The following RSPO2 variants were observed in gnomAD, a reference collection of about 807,000 sequenced individuals.
RSPO2 encodes R-spondin-2.
Under a neutral mutation model 30.9 loss-of-function variants are expected in RSPO2, and 14 were observed. The observed-to-expected ratio is 0.45, with a 90% CI of 0.30 to 0.71. The LOEUF (loss-of-function observed/expected upper bound fraction) is 0.71, where lower values mean the gene tolerates loss of function less well. RSPO2 is among the 30% of genes least tolerant of loss of function. The pLI is 0.08. For missense variants in RSPO2, 264 were observed against 301.9 expected, an observed-to-expected ratio of 0.87 and a Z score of 0.93; for synonymous variants, 107 against 96.4, an observed-to-expected ratio of 1.11 and a Z score of -0.64.
chr8:107,911,073 T>C (rs190666538), intron 5 of RSPO2, among the ~76,000 whole-genome samples: 11 of 152,286 alleles, frequency 7.2e-5, no homozygotes, highest in Admixed American at 3.9e-4. Flanking sequence ...TACTTTGTCA[T>C]CTACTGTTAA....
rs111812536 is a variant in RSPO2 at position 108,008,157 on chromosome 8, C to T, written c.95-18913G>A. On this transcript the variant is annotated intron_variant, in intron 2 of 5. Coordinates refer to ENST00000276659, the MANE Select transcript of RSPO2 (RefSeq NM_178565.5). ...CTTGGTATATAAACATTTCTAGGGCCACCATATATGTTTACGCACTACAGA... is the reference window on the plus strand; with the variant it reads ...CTTGGTATATAAACATTTCTAGGGCTACCATATATGTTTACGCACTACAGA... Among the ~76,000 whole-genome samples, 754 of 152,146 alleles carry T rather than the reference C, an allele frequency of 5.0e-3. 9 individuals are homozygous for T. Among genetic ancestry groups the T allele is most frequent in the African/African-American group, 0.017 (724 of 41,496 alleles).
intron 5 of RSPO2, among the ~76,000 whole-genome samples, chr8:107,938,786 C>T (rs748019363): frequency 7.2e-5 from 11 of 152,104 alleles, no homozygotes; most frequent in Non-Finnish European, 1.3e-4. Flanking sequence ...CGTTCTGCAA[C>T]CATAAACAGT....
chr8:107,901,978 T>C (rs1803255184), intron 5 of RSPO2, among the ~76,000 whole-genome samples: 1 of 152,218 alleles, frequency 6.6e-6, no homozygotes, highest in African/African-American at 2.4e-5. Context: ...TTTTTTTCTT[T>C]GCCTCTGCTA....
At chr8:107,948,400 A>C (rs1319408517) in intron 5 of RSPO2, among the ~76,000 whole-genome samples, 1 of 152,230 alleles carries the variant, frequency 6.6e-6, no homozygotes, top group Non-Finnish European at 1.5e-5. Flanking sequence ...TATTTTTTAA[A>C]AGTCAATGCA....
chr8:107,983,827 C>T (rs1180018695), intron 3 of RSPO2: 1 of 1,604,012 alleles, frequency 6.2e-7, no homozygotes, highest in Non-Finnish European at 8.5e-7. Context: ...GAAACTGCTA[C>T]AGCCTCCTCA....
At chr8:108,003,303 ATATATATATTTTT>A (rs1269436412) in intron 2 of RSPO2, among the ~76,000 whole-genome samples, 889 of 27,186 alleles carry the variant, frequency 0.033, 21 homozygotes, top group African/African-American at 0.097. Context: ...ATATATATAT[ATATATATATTTTT>A]TTTTTTTTTT....
chr8:107,992,473 G>A (rs896620852), intron 2 of RSPO2, among the ~76,000 whole-genome samples: 3 of 152,068 alleles, frequency 2.0e-5, no homozygotes, highest in African/African-American at 4.8e-5. Context: ...TAATACCTGG[G>A]TGATGAAATT....
intron 2 of RSPO2, among the ~76,000 whole-genome samples, chr8:108,028,539 AGAGTTCTCTGTGT>A (rs1319414604): frequency 1.3e-5 from 2 of 152,136 alleles, no homozygotes; most frequent in Non-Finnish European, 2.9e-5. Context: ...AAAGGAGAGG[AGAGTTCTCTGTGT>A]GGGAACTTTG....
intron 5 of RSPO2, among the ~76,000 whole-genome samples, chr8:107,937,073 T>C (rs919413058): frequency 3.9e-5 from 6 of 152,110 alleles, no homozygotes; most frequent in African/African-American, 9.7e-5. Context: ...TAGACCAATG[T>C]CTTAAAGTGT....
intron 2 of RSPO2, among the ~76,000 whole-genome samples, chr8:108,079,184 A>T (rs1159450256): frequency 6.6e-6 from 1 of 152,198 alleles, no homozygotes; most frequent in East Asian, 1.9e-4. Flanking sequence ...TGCTACATGG[A>T]GAGAAAAATA....
intron 5 of RSPO2, among the ~76,000 whole-genome samples, chr8:107,948,046 T>C (rs1310989725): frequency 2.0e-5 from 3 of 152,234 alleles, no homozygotes; most frequent in Admixed American, 2.0e-4. Context: ...TCCTATTCCC[T>C]GGCAATGGCA....
At chr8:107,912,300 G>C (rs761494770) in intron 5 of RSPO2, among the ~76,000 whole-genome samples, 1 of 152,256 alleles carries the variant, frequency 6.6e-6, no homozygotes, top group East Asian at 1.9e-4. Context: ...AGATGACTTA[G>C]TGCGAAGTTA....
At chr8:108,055,211 G>T (rs1187074556) in intron 2 of RSPO2, among the ~76,000 whole-genome samples, 1 of 152,170 alleles carries the variant, frequency 6.6e-6, no homozygotes, top group Non-Finnish European at 1.5e-5. Context: ...AAAAACACGA[G>T]TAAAGAGCTT....
intron 2 of RSPO2, among the ~76,000 whole-genome samples, chr8:108,070,538 C>T (rs560929231): frequency 1.6e-4 from 25 of 152,146 alleles, no homozygotes; most frequent in South Asian, 2.1e-4. Flanking sequence ...ATGATCCACC[C>T]GCCTCGGCCT....
At chr8:107,911,015 A>T (rs150241402) in intron 5 of RSPO2, among the ~76,000 whole-genome samples, 2 of 152,316 alleles carry the variant, frequency 1.3e-5, no homozygotes, top group Non-Finnish European at 2.9e-5. Flanking sequence ...TGGAGCAAAG[A>T]TATAAGGGCT....
rs971072347 is a variant in RSPO2, at chr8:107,989,863, T to C, written c.95-619A>G. 4.6e-5 allele frequency among the ~76,000 whole-genome samples: 7 copies of C among 152,326 alleles called. No individual in the cohort carries two copies. In the East Asian group the frequency reaches 9.7e-4, roughly 21 times the overall value. Reference sequence around the variant, plus strand: ...AAAATAAATAAATATAGAATTACTCTCTAGATATTTTCTACAATCCTGAGA... The same window carrying C: ...AAAATAAATAAATATAGAATTACTCCCTAGATATTTTCTACAATCCTGAGA... On this transcript the variant is annotated intron_variant, in intron 2 of 5. Transcript: ENST00000276659.
At position 107,968,136 on chromosome 8, in the gene RSPO2, T is replaced by C. The variant is rs74722869; in HGVS notation, c.284-7319A>G. On this transcript the variant is annotated intron_variant, in intron 3 of 5. Transcript: ENST00000276659. ...GAAATCAATATATCAAAGAGATATC[T>C]TCACTTTCATGTTTATTGCAGCACT... Among the ~76,000 whole-genome samples the C allele has an allele frequency of 1.8e-4, 27 of 152,274 alleles. No homozygotes were observed. In the East Asian group the frequency reaches 5.2e-3, roughly 29 times the overall value.
intron 2 of RSPO2, among the ~76,000 whole-genome samples, chr8:108,035,572 A>G (rs1330120737): frequency 3.9e-5 from 6 of 151,958 alleles, no homozygotes; most frequent in Non-Finnish European, 5.9e-5. Flanking sequence ...CTGGGTTCAC[A>G]CCATTCTCCT....
intron 2 of RSPO2, among the ~76,000 whole-genome samples, chr8:108,060,677 C>T (rs1032773969): frequency 1.3e-5 from 2 of 151,750 alleles, no homozygotes; most frequent in African/African-American, 2.4e-5. Flanking sequence ...TCAGGAAATA[C>T]AGAGAACGCC....
Sources: allele counts gnomAD v4.1 joint callset (sites outside exome capture counted in the v4.1 genomes callset), GRCh38; gene constraint gnomAD v4.1.1; transcripts MANE v1.5; gene names NCBI Gene and HGNC (gene_info 2026-07-23, HGNC 2026-07-21).